Variants in FGF14 observed in about 807,000 individuals in gnomAD.
FGF14 encodes fibroblast growth factor homologous factor 4.
A neutral mutation model predicts 25.5 loss-of-function variants in FGF14; 5 were observed. The ratio of observed to expected loss-of-function variants is 0.20; its 90% CI spans 0.10 to 0.41. FGF14 has a LOEUF of 0.41. FGF14 is among the 10% of genes least tolerant of loss of function. The pLI, the probability that FGF14 is intolerant of heterozygous loss-of-function variation, is 1.00. For missense variants in FGF14, 222 were observed against 320.1 expected (o/e 0.69, Z 2.34); for synonymous variants, 138 against 118.3 (o/e 1.17, Z -1.08).
intron 1 of FGF14, among the ~76,000 whole-genome samples, chr13:101,945,545 C>A (rs2035748126): frequency 6.6e-6 from 1 of 152,154 alleles, no homozygotes; most frequent in Non-Finnish European, 1.5e-5. Flanking sequence ...TGGCAAGAGG[C>A]TGAACCTCTG....
chr13:101,909,913 T>TA (rs1343631785), intron 1 of FGF14, among the ~76,000 whole-genome samples: 5 of 152,068 alleles, frequency 3.3e-5, no homozygotes, highest in Non-Finnish European at 5.9e-5. Flanking sequence ...AATGCAGCCA[T>TA]AAAAAATGAT....
Position 102,101,111 on chromosome 13 carries a change from GA to G in FGF14, c.209-225816del, listed in dbSNP as rs79230981. On this transcript the variant is annotated intron_variant, in intron 1 of 4. Coordinates refer to the FGF14 transcript ENST00000376131. ...GAGACTCCGTCTCCCGCAACCCCAG[GA>G]AAAAAAAAAAAAAGGTAAAGTGACT... 3.1e-3 allele frequency among the ~76,000 whole-genome samples: 415 copies of G among 132,392 alleles called. 1 individual carries two copies. Among genetic ancestry groups the G allele is most frequent in the East Asian group, 5.0e-3 (23 of 4,616 alleles). The allele number at this position is 132,392 out of a possible 152,430, so 86.9% of individuals were successfully genotyped here.
At chr13:102,371,123 C>T (rs1745627738) in intron 1 of FGF14, among the ~76,000 whole-genome samples, 1 of 152,120 alleles carries the variant, frequency 6.6e-6, no homozygotes, top group South Asian at 2.1e-4. Flanking sequence ...ATTCCTGAAA[C>T]AAACAATTAG....
intron 1 of FGF14, among the ~76,000 whole-genome samples, chr13:101,990,495 C>A (rs1395928703): frequency 6.6e-6 from 1 of 152,044 alleles, no homozygotes; most frequent in Non-Finnish European, 1.5e-5. Context: ...CAAGTTATAT[C>A]TATGTCCAAT....
intron 3 of FGF14, among the ~76,000 whole-genome samples, chr13:101,855,500 C>G (rs1003265801): frequency 2.6e-5 from 4 of 151,886 alleles, no homozygotes; most frequent in Admixed American, 1.3e-4. Context: ...TCAGCAGACC[C>G]CTGGGCCAGT....
chr13:102,361,368 T>A (rs1371022918), intron 1 of FGF14, among the ~76,000 whole-genome samples: 1 of 152,158 alleles, frequency 6.6e-6, no homozygotes, highest in Non-Finnish European at 1.5e-5. Flanking sequence ...TAACCTGGCT[T>A]CAAAGCCTGA....
chr13:101,769,013 C>T (rs184253184), intron 3 of FGF14, among the ~76,000 whole-genome samples: 14 of 152,158 alleles, frequency 9.2e-5, no homozygotes, highest in African/African-American at 3.4e-4. Flanking sequence ...TGACTGTCAA[C>T]ATTATGTGAA....
chr13:102,067,720 G>A (rs1209217133), intron 1 of FGF14, among the ~76,000 whole-genome samples: 1 of 150,774 alleles, frequency 6.6e-6, no homozygotes, highest in South Asian at 2.1e-4. Flanking sequence ...GAGAGAGAGA[G>A]AGATTAGGGT....
intron 1 of FGF14, among the ~76,000 whole-genome samples, chr13:102,258,239 A>G (rs2052544625): frequency 6.6e-6 from 1 of 152,118 alleles, no homozygotes; most frequent in Non-Finnish European, 1.5e-5. Context: ...GGGAACTACA[A>G]TTCAAGATGA....
intron 1 of FGF14, among the ~76,000 whole-genome samples, chr13:102,257,441 T>C (rs1483678312): frequency 1.6e-5 from 2 of 127,188 alleles, no homozygotes; most frequent in African/African-American, 5.8e-5. Flanking sequence ...AACCTCCACC[T>C]ACCAGGTTCA....
intron 1 of FGF14, among the ~76,000 whole-genome samples, chr13:102,365,004 AC>A (rs2057668874): frequency 6.6e-6 from 1 of 152,158 alleles, no homozygotes; most frequent in Non-Finnish European, 1.5e-5. Context: ...TTAAAAATTT[AC>A]CTAACTTCCA....
chr13:102,029,489 A>G (rs1228353351), intron 1 of FGF14, among the ~76,000 whole-genome samples: 1 of 152,104 alleles, frequency 6.6e-6, no homozygotes, highest in Non-Finnish European at 1.5e-5. Flanking sequence ...TTGAGCCAGT[A>G]TAGCATCATG....
chr13:101,825,942 A>G (rs1370654395), intron 3 of FGF14, among the ~76,000 whole-genome samples: 1 of 152,172 alleles, frequency 6.6e-6, no homozygotes. Flanking sequence ...AAGATAATAC[A>G]AGGAGTCCTC....
chr13:102,351,195 G>T (rs1241962767), intron 1 of FGF14, among the ~76,000 whole-genome samples: 1 of 151,470 alleles, frequency 6.6e-6, no homozygotes, highest in African/African-American at 2.4e-5. Flanking sequence ...GAATCAAAAA[G>T]ACTAAAATTT....
intron 1 of FGF14, among the ~76,000 whole-genome samples, chr13:102,161,094 G>A (rs897595528): frequency 6.6e-6 from 1 of 152,132 alleles, no homozygotes; most frequent in African/African-American, 2.4e-5. Flanking sequence ...AAACAATGGA[G>A]GAAGGCAGAA....
chr13:102,343,930 T>C (rs189182404), intron 1 of FGF14, among the ~76,000 whole-genome samples: 1 of 152,292 alleles, frequency 6.6e-6, no homozygotes, highest in East Asian at 1.9e-4. Flanking sequence ...CAGGAAAACA[T>C]TCTCATAACC....
intron 1 of FGF14, among the ~76,000 whole-genome samples, chr13:102,100,828 G>A (rs890027085): frequency 3.9e-5 from 6 of 152,160 alleles, no homozygotes; most frequent in East Asian, 1.9e-4. Context: ...GGCTGGGCAC[G>A]GTGGCTCACG....
At chr13:102,089,318 C>A (rs1418134010) in intron 1 of FGF14, among the ~76,000 whole-genome samples, 1 of 152,082 alleles carries the variant, frequency 6.6e-6, no homozygotes, top group East Asian at 1.9e-4. Context: ...ACATTCTATC[C>A]AGAAGAGGGC....
intron 1 of FGF14, among the ~76,000 whole-genome samples, chr13:102,051,973 T>C (rs1429008499): frequency 6.6e-6 from 1 of 152,162 alleles, no homozygotes; most frequent in Non-Finnish European, 1.5e-5. Flanking sequence ...TTAAGGAAGC[T>C]CAATGAACTT....
Sources: gnomAD v4.1 joint callset for allele counts (sites outside exome capture counted in the v4.1 genomes callset) on GRCh38, gnomAD v4.1.1 for gene constraint, MANE v1.5 for transcripts, NCBI Gene and HGNC (gene_info 2026-07-23, HGNC 2026-07-21) for gene names.